Variants in ADAM32 observed in about 807,000 individuals in gnomAD.
ADAM32 encodes ADAM metallopeptidase domain 32.
ADAM32 carries 89 observed loss-of-function variants against 114.9 expected under a neutral mutation model. The ratio of observed to expected loss-of-function variants is 0.77; its 90% CI spans 0.65 to 0.92. ADAM32 has a LOEUF of 0.92. Ranked by LOEUF, ADAM32 falls within the 40% of genes least tolerant of loss-of-function variation. The pLI, the probability that ADAM32 is intolerant of heterozygous loss-of-function variation, is 0.00. For missense variants in ADAM32, 870 were observed against 932.8 expected (o/e 0.93, Z 0.88); for synonymous variants, 285 against 307.5 (o/e 0.93, Z 0.77).
chr8:39,131,433 G>A (rs1802449057), intron 2 of ADAM32, among the ~76,000 whole-genome samples: 1 of 152,200 alleles, frequency 6.6e-6, no homozygotes, highest in Admixed American at 6.5e-5. Flanking sequence ...AGAGCCTGCA[G>A]TGAGCTGAGA....
chr8:39,269,622 A>T (rs1322679808), intron 19 of ADAM32, among the ~76,000 whole-genome samples: 1 of 152,156 alleles, frequency 6.6e-6, no homozygotes, highest in Non-Finnish European at 1.5e-5. Context: ...CTCAGATTAA[A>T]GCGTTTTTAA....
At chr8:39,186,858 C>A in intron 10 of ADAM32, 51 bp from the exon 11 acceptor site, 2 of 1,398,950 alleles carry the variant, frequency 1.4e-6, no homozygotes, top group South Asian at 1.5e-5. Context: ...TTATTTTTAC[C>A]ACCCTTTAGA....
At chr8:39,211,123 A>G in intron 11 of ADAM32, 21 bp from the exon 12 acceptor site, 5 of 1,494,140 alleles carry the variant, frequency 3.3e-6, no homozygotes, top group Non-Finnish European at 4.5e-6. Flanking sequence ...TGCCAATGAC[A>G]TTATATGGAT....
At chr8:39,202,805 G>T (rs2129447919) in intron 11 of ADAM32, among the ~76,000 whole-genome samples, 1 of 152,290 alleles carries the variant, frequency 6.6e-6, no homozygotes, top group South Asian at 2.1e-4. Context: ...TGCTTTGAAT[G>T]TGTCCCAGAG....
chr8:39,237,806 G>A (rs1810278050), intron 16 of ADAM32, among the ~76,000 whole-genome samples: 1 of 152,178 alleles, frequency 6.6e-6, no homozygotes, highest in Non-Finnish European at 1.5e-5. Flanking sequence ...TGCCCTGGTA[G>A]CTGAAGACAA....
chr8:39,223,705 T>C (rs1260754548), intron 14 of ADAM32: 4 of 152,242 alleles, frequency 2.6e-5, no homozygotes, highest in Admixed American at 2.0e-4. Context: ...TAGAATGTCG[T>C]TTACTAAAGT....
At chr8:39,114,538 TACCAAGG>T (rs1311665262) in intron 1 of ADAM32, among the ~76,000 whole-genome samples, 4 of 152,214 alleles carry the variant, frequency 2.6e-5, no homozygotes, top group Non-Finnish European at 1.5e-5. Context: ...AGTTAGATAC[TACCAAGG>T]ATCTCTGTAG....
rs1290079613 is a variant in ADAM32 at position 39,246,141 on chromosome 8, G to T, written c.1877G>T (p.Cys626Phe). Reference sequence around the variant, plus strand: ...ATAATTAAGGCTTCAGCACATGTTTGTTCACAACAGTGTTCTGGACATGGA... The same window carrying T: ...ATAATTAAGGCTTCAGCACATGTTTTTTCACAACAGTGTTCTGGACATGGA... ...SRIIKASAHV[C>F]SQQCSGHGVC... The change falls in exon 17 of 25, where the codon TGT (cysteine) becomes TTT (phenylalanine). Residue 626 changes from cysteine (C) to phenylalanine (F), a missense_variant. Physicochemically the swap from Cys to Phe is radical, Grantham distance 205. Transcript: ENST00000379907. 4 of 1,613,408 alleles carry T rather than the reference G, an allele frequency of 2.5e-6. No homozygotes were observed. Among genetic ancestry groups the T allele is most frequent in the African/African-American group, 2.7e-5 (2 of 75,012 alleles).
At chr8:39,158,447 A>T (rs1804293213) in intron 6 of ADAM32, 1 of 210,938 alleles carries the variant, frequency 4.7e-6, no homozygotes, top group Non-Finnish European at 9.5e-6. Context: ...GATGCCTACT[A>T]CCACCATGGG....
intron 17 of ADAM32, among the ~76,000 whole-genome samples, chr8:39,253,245 A>T (rs930262535): frequency 6.6e-6 from 1 of 151,650 alleles, no homozygotes; most frequent in African/African-American, 2.4e-5. Flanking sequence ...AAAATCCAAC[A>T]CCCTTTCATT....
At chr8:39,244,569 A>T (rs1810772588) in intron 16 of ADAM32, among the ~76,000 whole-genome samples, 1 of 152,210 alleles carries the variant, frequency 6.6e-6, no homozygotes, top group South Asian at 2.1e-4. Context: ...TATTCGACAA[A>T]TGGTGGTGGG....
At chr8:39,164,392 T>C (rs1804700157) in intron 7 of ADAM32, among the ~76,000 whole-genome samples, 1 of 152,110 alleles carries the variant, frequency 6.6e-6, no homozygotes, top group Non-Finnish European at 1.5e-5. Flanking sequence ...GATATATGAG[T>C]TATTTCTAGT....
intron 10 of ADAM32, among the ~76,000 whole-genome samples, chr8:39,174,816 G>A (rs568462859): frequency 1.3e-5 from 2 of 151,928 alleles, no homozygotes; most frequent in African/African-American, 2.4e-5. Flanking sequence ...TTCTATTTAT[G>A]AACATGGAAT....
At chr8:39,144,827 A>G (rs990402967) in intron 3 of ADAM32, among the ~76,000 whole-genome samples, 3 of 152,332 alleles carry the variant, frequency 2.0e-5, no homozygotes, top group Admixed American at 6.5e-5. Flanking sequence ...AGGCAAGAAC[A>G]ATGAATAAAA....
chr8:39,159,275 G>A (rs1341312265), intron 6 of ADAM32, among the ~76,000 whole-genome samples: 3 of 152,174 alleles, frequency 2.0e-5, no homozygotes, highest in Admixed American at 2.0e-4. Context: ...TGATTTGATA[G>A]AGATTTCTTT....
chr8:39,107,948 AC>A (rs1357547334), intron 1 of ADAM32, 115 bp downstream of exon 1: 4 of 1,347,448 alleles, frequency 3.0e-6, no homozygotes, highest in Non-Finnish European at 3.9e-6. Flanking sequence ...CACCCTGGCA[AC>A]GGGGCCTTTT....
chr8:39,267,482 T>G (rs1812440379), intron 19 of ADAM32, among the ~76,000 whole-genome samples: 1 of 152,188 alleles, frequency 6.6e-6, no homozygotes, highest in African/African-American at 2.4e-5. Context: ...TTAAATCTAT[T>G]TATCTGTTGA....
intron 12 of ADAM32, among the ~76,000 whole-genome samples, chr8:39,212,292 G>A (rs1276591220): frequency 1.3e-5 from 2 of 152,104 alleles, no homozygotes; most frequent in Non-Finnish European, 2.9e-5. Context: ...GGGATTGCAG[G>A]CATGAGCTAC....
chr8:39,178,656 A>G (rs1805663098), intron 10 of ADAM32, among the ~76,000 whole-genome samples: 1 of 151,914 alleles, frequency 6.6e-6, no homozygotes, highest in African/African-American at 2.4e-5. Context: ...TGGGCTATCT[A>G]CCTTTGATCT....
Sources: gnomAD v4.1 joint callset for allele counts (sites outside exome capture counted in the v4.1 genomes callset) on GRCh38, gnomAD v4.1.1 for gene constraint, MANE v1.5 for transcripts, NCBI Gene and HGNC (gene_info 2026-07-23, HGNC 2026-07-21) for gene names.